UPF2: variants seen among roughly 807,000 people sequenced by gnomAD.
The protein encoded by UPF2 is UPF2 regulator of nonsense mediated mRNA decay, also known as regulator of nonsense transcripts 2.
In UPF2, 17 loss-of-function variants were observed where a neutral mutation model predicts 141.4. The observed-to-expected ratio is 0.12, with a 90% confidence interval of 0.08 to 0.18. The LOEUF is 0.18. UPF2 is among the 10% of genes least tolerant of loss of function. The probability of loss-of-function intolerance (pLI) is 1.00; values close to 1 mark genes in which losing one functional copy is unlikely to be tolerated. For missense variants in UPF2, 1,152 were observed against 1,515.9 expected (o/e 0.76, Z 3.99); for synonymous variants, 540 against 498.0 (o/e 1.08, Z -1.12).
In UPF2 at chr10:11,936,766, T is replaced by C; in HGVS notation, c.3379-54A>G. 1 of 1,485,286 alleles carries C rather than the reference T, an allele frequency of 6.7e-7. No individual in the cohort carries two copies. The highest frequency in any genetic ancestry group is 1.4e-5 in the African/African-American group (1 of 70,630). 92.0% of individuals were successfully genotyped at this position (1,485,286 alleles called of 1,614,324 possible). On this transcript the variant is annotated intron_variant, in intron 18 of 21. Transcript: ENST00000357604. The surrounding 1 kb of genome is among the most constrained non-coding windows in gnomAD (Gnocchi z 6.6). ...ACACTCCAAGATATATACGGATATA[T>C]GTCAATATAAATTGCAAACTCATTC...
chr10:11,925,928 G>A (rs139140751), intron 21 of UPF2, among the ~76,000 whole-genome samples: 1 of 152,334 alleles, frequency 6.6e-6, no homozygotes, highest in African/African-American at 2.4e-5. Flanking sequence ...ATGATTTTAA[G>A]CAGAAGGGCA....
intron 9 of UPF2, among the ~76,000 whole-genome samples, chr10:11,972,725 T>A (rs1833440807): frequency 6.6e-6 from 1 of 152,268 alleles, no homozygotes; most frequent in South Asian, 2.1e-4. Context: ...TCCTTTTTTA[T>A]GGCTGCATAG....
chr10:12,029,966 A>T (rs1425712242), intron 2 of UPF2, among the ~76,000 whole-genome samples: 1 of 151,808 alleles, frequency 6.6e-6, no homozygotes, highest in Non-Finnish European at 1.5e-5. Context: ...TCAAAAAAAA[A>T]AAAACAAAAA....
chr10:12,035,753 C>G (rs139510363), intron 1 of UPF2: 3 of 200,174 alleles, frequency 1.5e-5, no homozygotes. Flanking sequence ...CAGCCACTAT[C>G]AACTCCAAAA....
chr10:11,941,876 G>GT (rs560631517), intron 18 of UPF2, among the ~76,000 whole-genome samples: 2 of 152,272 alleles, frequency 1.3e-5, no homozygotes, highest in South Asian at 4.1e-4. Flanking sequence ...GCTAAGTAGT[G>GT]TTTTTTAGAA....
chr10:11,969,234 C>A (rs1833373140), intron 9 of UPF2, among the ~76,000 whole-genome samples: 1 of 151,472 alleles, frequency 6.6e-6, no homozygotes, highest in Admixed American at 6.6e-5. Context: ...ATGGCGCGAT[C>A]TCAGACCACT....
Position 12,016,956 on chromosome 10 carries a change from G to A in UPF2, c.1146-2772C>T, listed in dbSNP as rs942024118. ...AATCATTTGAACTCGGAAGGCAGAG[G>A]TTGCAGTGAGCTGAGATTGCACCAT... is the stretch of plus-strand genomic sequence containing the variant. On this transcript the variant is annotated intron_variant, in intron 3 of 21. Transcript: ENST00000357604. This position sits in a 1 kb window ranked among gnomAD's most constrained non-coding sequence, Gnocchi z 4.1. Among the ~76,000 whole-genome samples, 1 of 151,248 alleles carries A rather than the reference G, an allele frequency of 6.6e-6. No individual in the cohort carries two copies. The highest frequency in any genetic ancestry group is 1.5e-5 in the Non-Finnish European group (1 of 67,908).
intron 14 of UPF2, among the ~76,000 whole-genome samples, chr10:11,954,814 TAAA>T (rs76952881): frequency 7.4e-6 from 1 of 134,460 alleles, no homozygotes; most frequent in Non-Finnish European, 1.6e-5. Context: ...CATTTCTATT[TAAA>T]AAAAAAAAAA....
At chr10:12,033,539 C>T (rs1045934193) in intron 2 of UPF2, among the ~76,000 whole-genome samples, 1 of 152,002 alleles carries the variant, frequency 6.6e-6, no homozygotes, top group African/African-American at 2.4e-5. Flanking sequence ...TGTTATGTTA[C>T]CAGGCACTGT....
intron 10 of UPF2, among the ~76,000 whole-genome samples, chr10:11,964,630 T>A (rs1833291436): frequency 6.6e-6 from 1 of 152,244 alleles, no homozygotes; most frequent in Non-Finnish European, 1.5e-5. Flanking sequence ...CACTTGGTTC[T>A]TCTGGCTTAC....
Position 11,956,619 on chromosome 10 carries a change from T to C in UPF2, c.2371-96A>G, listed in dbSNP as rs1833156012. Reference sequence around the variant, plus strand: ...TTTGCTATGATTGCGCAGAGAACTTTTGAAATAGAAAATACATTAGAAATC... The same window carrying C: ...TTTGCTATGATTGCGCAGAGAACTTCTGAAATAGAAAATACATTAGAAATC... On this transcript the variant is annotated intron_variant, in intron 12 of 21. Coordinates refer to ENST00000357604, the MANE Select transcript of UPF2 (RefSeq NM_015542.4). This position sits in a 1 kb window ranked among gnomAD's most constrained non-coding sequence, Gnocchi z 4.2. The C allele has an allele frequency of 3.6e-6, 4 of 1,122,804 alleles. No homozygotes were observed. The highest frequency in any genetic ancestry group is 1.6e-5 in the African/African-American group (1 of 63,428). The allele number at this position is 1,122,804 out of a possible 1,614,324, so 69.6% of individuals were successfully genotyped here. A position where few individuals can be genotyped will look rare whatever the true frequency, so the allele number is the denominator to read the frequency against.
At chr10:12,025,506 A>T (rs1259479334) in intron 3 of UPF2, among the ~76,000 whole-genome samples, 6 of 152,046 alleles carry the variant, frequency 3.9e-5, no homozygotes, top group South Asian at 2.1e-4. Flanking sequence ...AGCCAAGACC[A>T]TGACACTGCA....
intron 8 of UPF2, among the ~76,000 whole-genome samples, chr10:11,983,071 G>T (rs1833625974): frequency 6.6e-6 from 1 of 152,214 alleles, no homozygotes; most frequent in Admixed American, 6.5e-5. Context: ...CTGGAACATA[G>T]GCAGGTGCTC....
intron 18 of UPF2, among the ~76,000 whole-genome samples, chr10:11,941,380 T>C (rs1832933924): frequency 6.6e-6 from 1 of 152,204 alleles, no homozygotes; most frequent in Non-Finnish European, 1.5e-5. Flanking sequence ...AGGAGCTTTC[T>C]GGATATATGA....
intron 9 of UPF2, among the ~76,000 whole-genome samples, chr10:11,974,919 T>C (rs974681840): frequency 1.3e-5 from 2 of 152,196 alleles, no homozygotes; most frequent in Non-Finnish European, 2.9e-5. Flanking sequence ...TTTGTTTTTG[T>C]ATGGTTTATA....
At chr10:11,978,976 T>C in intron 9 of UPF2, 81 bp downstream of exon 9, 1 of 1,152,460 alleles carries the variant, frequency 8.7e-7, no homozygotes, top group Admixed American at 2.0e-5. Context: ...AGAATATGCT[T>C]ACCAACAATT....
chr10:11,956,587 C>T lies in UPF2; in HGVS notation c.2371-64G>A. The T allele has an allele frequency of 4.0e-6, 6 of 1,494,510 alleles. No individual in the cohort carries two copies. The highest frequency in any genetic ancestry group is 4.6e-6 in the Non-Finnish European group (5 of 1,097,536). The allele number at this position is 1,494,510 out of a possible 1,614,324, so 92.6% of individuals were successfully genotyped here. ...TACACAGTAGCCTGACCAAATAATA[C>T]AGAAATTTTGCTATGATTGCGCAGA... On this transcript the variant is annotated intron_variant, in intron 12 of 21. Coordinates refer to ENST00000357604, the MANE Select transcript of UPF2 (RefSeq NM_015542.4). The surrounding 1 kb of genome is among the most constrained non-coding windows in gnomAD (Gnocchi z 4.2).
At chr10:11,975,343 C>T (rs948560391) in intron 9 of UPF2, among the ~76,000 whole-genome samples, 1 of 152,164 alleles carries the variant, frequency 6.6e-6, no homozygotes, top group Admixed American at 6.5e-5. Flanking sequence ...AAAATTAGAA[C>T]GGAAAAGAAT....
intron 8 of UPF2, among the ~76,000 whole-genome samples, chr10:11,984,874 G>A (rs754297974): frequency 6.6e-5 from 10 of 152,212 alleles, no homozygotes; most frequent in Non-Finnish European, 1.3e-4. Flanking sequence ...CACCATGCCC[G>A]GCTAATTTTT....
Sources: allele counts gnomAD v4.1 joint callset (sites outside exome capture counted in the v4.1 genomes callset), GRCh38; gene constraint gnomAD v4.1.1; non-coding constraint Gnocchi (gnomAD v3.1); transcripts MANE v1.5; gene names NCBI Gene and HGNC (gene_info 2026-07-23, HGNC 2026-07-21).